CENPP: variants seen among roughly 807,000 people sequenced by gnomAD.
CENPP encodes centromere protein P.
Under a neutral mutation model 35.6 loss-of-function variants are expected in CENPP, and 24 were observed. The ratio of observed to expected loss-of-function variants is 0.67; its 90% CI spans 0.49 to 0.95. CENPP has a LOEUF of 0.95. Ranked by LOEUF, CENPP falls within the 40% of genes least tolerant of loss-of-function variation. The pLI, the probability that CENPP is intolerant of heterozygous loss-of-function variation, is 0.00. For missense variants in CENPP, 332 were observed against 345.3 expected, an observed-to-expected ratio of 0.96 and a Z score of 0.31; for synonymous variants, 120 against 125.5, an observed-to-expected ratio of 0.96 and a Z score of 0.29.
At chr9:92,474,769 ATC>A (rs1352283328) in intron 5 of CENPP, 8 of 1,612,906 alleles carry the variant, frequency 5.0e-6, no homozygotes, top group Non-Finnish European at 6.8e-6. Context: ...CATCATCATC[ATC>A]ATCATCATCA....
chr9:92,404,436 G>A, intron 5 of CENPP: 1 of 1,076,394 alleles, frequency 9.3e-7, no homozygotes, highest in South Asian at 1.5e-5. Context: ...AAGACTATTA[G>A]ATGAGTCAGT....
intron 5 of CENPP, among the ~76,000 whole-genome samples, chr9:92,566,515 CA>C (rs2131347575): frequency 6.6e-6 from 1 of 152,020 alleles, no homozygotes; most frequent in African/African-American, 2.4e-5. Context: ...GAAATAGCAA[CA>C]AAGAGATATT....
intron 5 of CENPP, among the ~76,000 whole-genome samples, chr9:92,557,816 T>A (rs1270896166): frequency 6.6e-6 from 1 of 152,124 alleles, no homozygotes; most frequent in African/African-American, 2.4e-5. Flanking sequence ...CTAATTTTTG[T>A]ATTTTTTTAG....
intron 5 of CENPP, among the ~76,000 whole-genome samples, chr9:92,594,077 CAG>C (rs1039723905): frequency 4.6e-5 from 7 of 152,280 alleles, no homozygotes; most frequent in African/African-American, 1.7e-4. Flanking sequence ...ATGCTAATAA[CAG>C]AGGAATAACA....
At chr9:92,610,399 C>T (rs1003503762) in intron 5 of CENPP, 6 of 152,186 alleles carry the variant, frequency 3.9e-5, no homozygotes, top group African/African-American at 1.4e-4. Context: ...GCCACCATTA[C>T]TCTTATCAGT....
intron 5 of CENPP, among the ~76,000 whole-genome samples, chr9:92,475,659 C>G (rs1303302094): frequency 6.6e-6 from 1 of 152,238 alleles, no homozygotes; most frequent in Non-Finnish European, 1.5e-5. Flanking sequence ...TAGACAACAT[C>G]TGGAATTTTT....
intron 5 of CENPP, chr9:92,393,328 A>G: frequency 9.7e-7 from 1 of 1,033,630 alleles, no homozygotes; most frequent in South Asian, 1.9e-5. Context: ...GCTATTATGA[A>G]TGCTATTACT....
chr9:92,353,143 A>T (rs1021199268), intron 4 of CENPP, among the ~76,000 whole-genome samples: 3 of 152,246 alleles, frequency 2.0e-5, no homozygotes, highest in African/African-American at 7.2e-5. Flanking sequence ...ATGATAAAGG[A>T]AAAAGGAAAT....
At chr9:92,420,160 C>T (rs1182037607) in intron 5 of CENPP, among the ~76,000 whole-genome samples, 5 of 152,156 alleles carry the variant, frequency 3.3e-5, no homozygotes, top group African/African-American at 1.2e-4. Context: ...TCATACTCTT[C>T]ATTTTGAGTA....
intron 5 of CENPP, among the ~76,000 whole-genome samples, chr9:92,520,065 T>TTTTTTTTTTTTTTTTTTTGA (rs1427229245): frequency 6.8e-6 from 1 of 146,738 alleles, no homozygotes; most frequent in Non-Finnish European, 1.5e-5. Flanking sequence ...GAAGATTTCT[T>TTTTTTTTTTTTTTTTTTTGA]GAGGCCAGGA....
intron 5 of CENPP, among the ~76,000 whole-genome samples, chr9:92,558,565 T>G (rs1482767829): frequency 6.6e-6 from 1 of 152,188 alleles, no homozygotes; most frequent in East Asian, 1.9e-4. Context: ...ATGGACACCA[T>G]GAGGGTCCTT....
chr9:92,475,242 G>C (rs1397428651), intron 5 of CENPP, among the ~76,000 whole-genome samples: 1 of 152,070 alleles, frequency 6.6e-6, no homozygotes, highest in Non-Finnish European at 1.5e-5. Flanking sequence ...AAGGGGAATA[G>C]TAAAATAAAA....
rs536831751 is a variant in CENPP, at chr9:92,436,559, C to T, written c.564+56700C>T. On this transcript the variant is annotated intron_variant, in intron 5 of 7. Transcript: ENST00000375587. ...GACATTTTACTTTTATGATTCATTT[C>T]GAGTTAATTTTTATATAGGGTTTGA... Among the ~76,000 whole-genome samples the T allele has an allele frequency of 4.5e-4, 69 of 152,088 alleles. 1 individual carries two copies. The highest frequency in any genetic ancestry group is 4.4e-3 in the East Asian group (23 of 5,174).
At chr9:92,411,590 A>G (rs1164327429) in intron 5 of CENPP, among the ~76,000 whole-genome samples, 1 of 152,178 alleles carries the variant, frequency 6.6e-6, no homozygotes, top group Non-Finnish European at 1.5e-5. Flanking sequence ...CCACCATGCC[A>G]GGCCAGAATT....
chr9:92,532,012 A>ATTTTTTTTT (rs1491374173), intron 5 of CENPP, among the ~76,000 whole-genome samples: 1 of 78,550 alleles, frequency 1.3e-5, no homozygotes, highest in Non-Finnish European at 2.4e-5. Context: ...TTTTTTATTT[A>ATTTTTTTTT]ATGTTTTTTT....
At chr9:92,329,260 C>T (rs1401556311) in intron 1 of CENPP, among the ~76,000 whole-genome samples, 1 of 147,954 alleles carries the variant, frequency 6.8e-6, no homozygotes, top group Non-Finnish European at 1.5e-5. Flanking sequence ...CCTCAGCTCA[C>T]TGCAACCTCC....
intron 4 of CENPP, among the ~76,000 whole-genome samples, chr9:92,374,926 A>T (rs1842090769): frequency 6.6e-6 from 1 of 152,156 alleles, no homozygotes; most frequent in East Asian, 1.9e-4. Flanking sequence ...GAATGTCTTA[A>T]TTTCTATTGC....
chr9:92,333,435 G>A (rs770496385), intron 2 of CENPP, among the ~76,000 whole-genome samples: 1 of 152,204 alleles, frequency 6.6e-6, no homozygotes, highest in Non-Finnish European at 1.5e-5. Flanking sequence ...CTTAAAAGCC[G>A]CAGCATGAAG....
chr9:92,408,488 T>A (rs1374297163), intron 5 of CENPP, among the ~76,000 whole-genome samples: 1 of 152,180 alleles, frequency 6.6e-6, no homozygotes, highest in Non-Finnish European at 1.5e-5. Context: ...CCAGCTGAGT[T>A]CTAGTTTTGA....
Sources: allele counts gnomAD v4.1 joint callset (sites outside exome capture counted in the v4.1 genomes callset), GRCh38; gene constraint gnomAD v4.1.1; transcripts MANE v1.5; gene names NCBI Gene and HGNC (gene_info 2026-07-23, HGNC 2026-07-21).